Variants in TGFBR3 observed in about 807,000 individuals in gnomAD.
TGFBR3 encodes the protein transforming growth factor beta receptor 3.
Under a neutral mutation model 87.9 loss-of-function variants are expected in TGFBR3, and 46 were observed. That is an observed-to-expected ratio of 0.52 (90% confidence interval 0.41 to 0.67). The LOEUF is 0.67. Ranked by LOEUF, TGFBR3 falls within the 30% of genes least tolerant of loss-of-function variation. The pLI is 0.00. For missense variants in TGFBR3, 866 were observed against 1,041.9 expected (o/e 0.83, Z 2.32); for synonymous variants, 381 against 391.6 (o/e 0.97, Z 0.32).
rs749976231 is a variant in TGFBR3 at position 91,694,274 on chromosome 1, G to A, written c.2437+1398C>T. On this transcript the variant is annotated intron_variant, in intron 16 of 16. Coordinates refer to ENST00000212355, the MANE Select transcript of TGFBR3 (RefSeq NM_003243.5). ...TCCCAAAATGCTAGGATTATGAGAA[G>A]TCATTTTTTAATCTTTCACGTAAAC... is the stretch of plus-strand genomic sequence containing the variant. Among the ~76,000 whole-genome samples the A allele has an allele frequency of 9.2e-5, 14 of 152,306 alleles. No homozygotes were observed. In the South Asian group the frequency reaches 1.5e-3, roughly 16 times the overall value.
At chr1:91,780,593 C>G (rs925232619) in intron 3 of TGFBR3, among the ~76,000 whole-genome samples, 6 of 113,564 alleles carry the variant, frequency 5.3e-5, no homozygotes, top group Non-Finnish European at 1.0e-4. Context: ...GAGTTTCACT[C>G]TTGTTGCCCA....
chr1:91,779,190 A>G (rs1038942130), intron 3 of TGFBR3, among the ~76,000 whole-genome samples: 3 of 152,236 alleles, frequency 2.0e-5, no homozygotes, highest in Non-Finnish European at 4.4e-5. Context: ...AAGTCTTTCA[A>G]AAGATCATGC....
At chr1:91,776,205 ATCTAAATGGGAGCG>A (rs1450564393) in intron 3 of TGFBR3, among the ~76,000 whole-genome samples, 5 of 152,240 alleles carry the variant, frequency 3.3e-5, no homozygotes, top group African/African-American at 7.2e-5. Context: ...GCTTGAGATC[ATCTAAATGGGAGCG>A]GGAGCAAGGG....
At chr1:91,868,373 A>G (rs183603740) in intron 1 of TGFBR3, among the ~76,000 whole-genome samples, 1 of 152,332 alleles carries the variant, frequency 6.6e-6, no homozygotes, top group East Asian at 1.9e-4. Flanking sequence ...ATTAGACTTT[A>G]TCATCTAGAA....
At chr1:91,803,197 G>C (rs1011825240) in intron 2 of TGFBR3, among the ~76,000 whole-genome samples, 2 of 152,160 alleles carry the variant, frequency 1.3e-5, no homozygotes, top group Non-Finnish European at 2.9e-5. Context: ...TCGGACACTT[G>C]CTCCCGTGTT....
intron 2 of TGFBR3, among the ~76,000 whole-genome samples, chr1:91,822,762 C>T (rs1002838476): frequency 6.6e-6 from 1 of 151,860 alleles, no homozygotes; most frequent in Non-Finnish European, 1.5e-5. Context: ...CCCATCTCTA[C>T]ACAAAAATAC....
chr1:91,846,334 C>G (rs1053605232), intron 2 of TGFBR3, among the ~76,000 whole-genome samples: 2 of 152,202 alleles, frequency 1.3e-5, no homozygotes, highest in Admixed American at 1.3e-4. Context: ...TGCCAGACAG[C>G]CTTTGATAGG....
At chr1:91,890,929 G>C (rs1679430122), upstream of TGFBR3, among the ~76,000 whole-genome samples, 1 of 150,672 alleles carries the variant, frequency 6.6e-6, no homozygotes, top group Non-Finnish European at 1.5e-5. Flanking sequence ...ACGGAGTCTT[G>C]CACTGTCACC....
At chr1:91,693,836 T>C (rs576710202) in intron 16 of TGFBR3, among the ~76,000 whole-genome samples, 1 of 152,336 alleles carries the variant, frequency 6.6e-6, no homozygotes, top group South Asian at 2.1e-4. Flanking sequence ...CAAAGAACTG[T>C]TAGCTTGAGA....
intron 2 of TGFBR3, among the ~76,000 whole-genome samples, chr1:91,824,757 C>T (rs1484397469): frequency 2.0e-5 from 3 of 152,060 alleles, no homozygotes; most frequent in Non-Finnish European, 4.4e-5. Flanking sequence ...GTCACGAGTT[C>T]GAGACCAGCC....
At chr1:91,712,799 T>G (rs944174891) in intron 12 of TGFBR3, among the ~76,000 whole-genome samples, 1 of 152,212 alleles carries the variant, frequency 6.6e-6, no homozygotes, top group Admixed American at 6.5e-5. Flanking sequence ...AAATACAAGA[T>G]GAGTAAGTCT....
intron 5 of TGFBR3, among the ~76,000 whole-genome samples, chr1:91,731,645 G>A (rs555384224): frequency 6.6e-6 from 1 of 152,306 alleles, no homozygotes; most frequent in South Asian, 2.1e-4. Context: ...TTAAGAAAGA[G>A]CGTCTATGGG....
At chr1:91,874,586 C>A (rs1044671317) in intron 1 of TGFBR3, among the ~76,000 whole-genome samples, 3 of 152,204 alleles carry the variant, frequency 2.0e-5, no homozygotes, top group Non-Finnish European at 4.4e-5. Context: ...CAACCTCCGT[C>A]TCCTGGGTTC....
chr1:91,827,215 G>A (rs1676677300), intron 2 of TGFBR3, among the ~76,000 whole-genome samples: 1 of 152,176 alleles, frequency 6.6e-6, no homozygotes, highest in Non-Finnish European at 1.5e-5. Context: ...GGCATTTGAT[G>A]TTAAGCGCTG....
At chr1:91,770,698 T>G (rs1230824328) in intron 3 of TGFBR3, 1 of 152,142 alleles carries the variant, frequency 6.6e-6, no homozygotes, top group Admixed American at 6.5e-5. Flanking sequence ...TATAGAAAAA[T>G]CCTTCAGACC....
intron 4 of TGFBR3, among the ~76,000 whole-genome samples, chr1:91,748,743 T>G (rs1216455281): frequency 7.3e-6 from 1 of 136,362 alleles, no homozygotes; most frequent in Non-Finnish European, 1.6e-5. Flanking sequence ...ATTATTATTA[T>G]TATTATTATT....
intron 1 of TGFBR3, among the ~76,000 whole-genome samples, chr1:91,879,392 C>G (rs1044924268): frequency 6.6e-6 from 1 of 152,124 alleles, no homozygotes; most frequent in Non-Finnish European, 1.5e-5. Flanking sequence ...ACCACAAAAA[C>G]CAGACATTAG....
chr1:91,800,314 G>A (rs28579023), intron 2 of TGFBR3, among the ~76,000 whole-genome samples: 36,351 of 129,314 alleles, frequency 0.28, 5,653 homozygotes, highest in South Asian at 0.38. Context: ...ATGCATATAT[G>A]TATATATATG....
At chr1:91,719,599 C>G in intron 9 of TGFBR3, 135 bp from the exon 10 acceptor site, 1 of 1,130,138 alleles carries the variant, frequency 8.8e-7, no homozygotes, top group South Asian at 1.3e-5. Context: ...CCCCAAGTAT[C>G]TCTTCCCAGC....
Sources: allele counts gnomAD v4.1 joint callset (sites outside exome capture counted in the v4.1 genomes callset), GRCh38; gene constraint gnomAD v4.1.1; transcripts MANE v1.5; gene names NCBI Gene and HGNC (gene_info 2026-07-23, HGNC 2026-07-21).